Variants in CPNE4 observed in about 807,000 individuals in gnomAD.
CPNE4 encodes the protein copine-4.
Under a neutral mutation model 67.9 loss-of-function variants are expected in CPNE4, and 25 were observed. The observed-to-expected ratio is 0.37, with a 90% CI of 0.27 to 0.51. The LOEUF (loss-of-function observed/expected upper bound fraction) is 0.51, where lower values mean the gene tolerates loss of function less well. CPNE4 is among the 20% of genes least tolerant of loss of function. The probability of loss-of-function intolerance (pLI) is 0.93; values close to 1 mark genes in which losing one functional copy is unlikely to be tolerated. For missense variants in CPNE4, 464 were observed against 690.8 expected (o/e 0.67, Z 3.68); for synonymous variants, 242 against 244.9 (o/e 0.99, Z 0.11).
intron 2 of CPNE4, among the ~76,000 whole-genome samples, chr3:131,803,179 C>T (rs1245039356): frequency 1.3e-5 from 2 of 152,118 alleles, no homozygotes; most frequent in Admixed American, 6.6e-5. Context: ...CCTTGGAATT[C>T]GACAAATTAC....
At chr3:132,038,408 G>T (rs542362330), upstream of CPNE4, among the ~76,000 whole-genome samples, 10 of 151,986 alleles carry the variant, frequency 6.6e-5, no homozygotes, top group South Asian at 2.1e-3. Flanking sequence ...GCTACGAAAG[G>T]GCAGTTTATA....
intron 1 of CPNE4, among the ~76,000 whole-genome samples, chr3:131,929,196 CAAAAAAAAAAAA>C (rs57462900): frequency 7.1e-5 from 7 of 98,842 alleles, no homozygotes; most frequent in African/African-American, 1.6e-4. Context: ...TTGTCCTCAC[CAAAAAAAAAAAA>C]AAAAAAAAAA....
intron 14 of CPNE4, among the ~76,000 whole-genome samples, chr3:131,548,124 T>A (rs984875718): frequency 2.6e-5 from 4 of 152,126 alleles, no homozygotes; most frequent in Admixed American, 2.6e-4. Context: ...TGGATCTTTT[T>A]AAGTAGGAGA....
At chr3:131,731,742 T>C (rs1344316203) in intron 2 of CPNE4, among the ~76,000 whole-genome samples, 2 of 152,136 alleles carry the variant, frequency 1.3e-5, no homozygotes, top group Non-Finnish European at 2.9e-5. Flanking sequence ...CTAGTGGGAC[T>C]GAAGAATGGA....
intron 4 of CPNE4, among the ~76,000 whole-genome samples, chr3:131,698,797 CT>C (rs2081222955): frequency 6.7e-6 from 1 of 150,352 alleles, no homozygotes; most frequent in Admixed American, 6.7e-5. Context: ...GTAATCCCAG[CT>C]ACTTGGGAGG....
chr3:131,719,703 GT>G (rs2081830981), intron 3 of CPNE4, among the ~76,000 whole-genome samples: 1 of 152,146 alleles, frequency 6.6e-6, no homozygotes, highest in East Asian at 1.9e-4. Context: ...TGGGTCCCAG[GT>G]AAAGAATGTC....
At chr3:131,856,106 A>G (rs1343634536) in intron 2 of CPNE4, among the ~76,000 whole-genome samples, 3 of 151,990 alleles carry the variant, frequency 2.0e-5, no homozygotes, top group Admixed American at 1.3e-4. Context: ...AACTTCTGAT[A>G]ATACAATCTG....
chr3:131,760,454 G>C (rs940377785), intron 2 of CPNE4, among the ~76,000 whole-genome samples: 13 of 150,668 alleles, frequency 8.6e-5, no homozygotes, highest in African/African-American at 3.2e-4. Context: ...TTTTTTGGAG[G>C]AAAAAAAAAC....
At chr3:131,980,837 G>A (rs1252644795) in intron 1 of CPNE4, among the ~76,000 whole-genome samples, 1 of 152,116 alleles carries the variant, frequency 6.6e-6, no homozygotes, top group Admixed American at 6.6e-5. Context: ...CAGAGGGAAG[G>A]TCTAGGGATG....
intron 2 of CPNE4, among the ~76,000 whole-genome samples, chr3:131,728,974 T>C (rs2082067844): frequency 6.6e-6 from 1 of 151,948 alleles, no homozygotes; most frequent in African/African-American, 2.4e-5. Flanking sequence ...TCAAGACTAT[T>C]TGTACAATGG....
chr3:131,929,196 C>CAAAAAAAAAAAAAA (rs57462900), intron 1 of CPNE4, among the ~76,000 whole-genome samples: 3 of 98,842 alleles, frequency 3.0e-5, no homozygotes, highest in African/African-American at 3.9e-5. Context: ...TTGTCCTCAC[C>CAAAAAAAAAAAAAA]AAAAAAAAAA....
At chr3:131,837,433 C>G (rs1262749690) in intron 2 of CPNE4, among the ~76,000 whole-genome samples, 1 of 151,940 alleles carries the variant, frequency 6.6e-6, no homozygotes, top group Non-Finnish European at 1.5e-5. Flanking sequence ...AAAGCCAATC[C>G]CAAATAGTTA....
chr3:131,694,463 C>T (rs778700023), intron 5 of CPNE4, among the ~76,000 whole-genome samples: 5 of 152,144 alleles, frequency 3.3e-5, no homozygotes, highest in Admixed American at 3.3e-4. Context: ...AGTCCACATG[C>T]TTTTTCTCCA....
At chr3:131,650,915 A>G (rs2079801179) in intron 7 of CPNE4, among the ~76,000 whole-genome samples, 1 of 152,116 alleles carries the variant, frequency 6.6e-6, no homozygotes, top group Non-Finnish European at 1.5e-5. Flanking sequence ...ATTTCAAACC[A>G]CATCTCTTTT....
intron 2 of CPNE4, among the ~76,000 whole-genome samples, chr3:131,867,481 G>A (rs2087001410): frequency 6.6e-6 from 1 of 151,782 alleles, no homozygotes; most frequent in Admixed American, 6.6e-5. Flanking sequence ...TGTTGAATGA[G>A]CCACTGTGAA....
intron 2 of CPNE4, among the ~76,000 whole-genome samples, chr3:131,885,716 C>G (rs1290835391): frequency 1.3e-5 from 2 of 151,946 alleles, no homozygotes; most frequent in Non-Finnish European, 2.9e-5. Context: ...ACAGTCCCCA[C>G]AGTGTGATGT....
At chr3:131,764,126 G>C (rs918269732) in intron 2 of CPNE4, among the ~76,000 whole-genome samples, 3 of 151,896 alleles carry the variant, frequency 2.0e-5, no homozygotes, top group South Asian at 2.1e-4. Context: ...CCAGCAATTG[G>C]ACTCCAAACT....
chr3:131,700,053 C>CTTTTTTTT, intron 3 of CPNE4, 73 bp from the exon 4 acceptor site: 2 of 345,124 alleles, frequency 5.8e-6, no homozygotes, highest in African/African-American at 8.3e-5. Context: ...ATTTTTTAAA[C>CTTTTTTTT]CTTTTTTTTT....
Position 131,616,979 on chromosome 3 carries a change from G to A in CPNE4, c.682-29397C>T, listed in dbSNP as rs143215687. On this transcript the variant is annotated intron_variant, in intron 7 of 15. Transcript: ENST00000429747. ...TAGGGACATGCTGCTAACAAGCACA[G>A]CTGTAACATAGGCTAGAGGACAATG... Among the ~76,000 whole-genome samples the A allele has an allele frequency of 3.0e-3, 461 of 152,304 alleles. 1 individual carries two copies. Among genetic ancestry groups the A allele is most frequent in the Admixed American group, 0.026 (404 of 15,300 alleles).
Sources: allele counts gnomAD v4.1 joint callset (sites outside exome capture counted in the v4.1 genomes callset), GRCh38; gene constraint gnomAD v4.1.1; transcripts MANE v1.5; gene names NCBI Gene and HGNC (gene_info 2026-07-23, HGNC 2026-07-21).